Variants in ARHGAP15 observed in about 807,000 individuals in gnomAD.
ARHGAP15 encodes the protein rho GTPase-activating protein 15.
A neutral mutation model predicts 63.7 loss-of-function variants in ARHGAP15; 51 were observed. The observed-to-expected ratio is 0.80, with a 90% CI of 0.64 to 1.01. The LOEUF (loss-of-function observed/expected upper bound fraction) is 1.01. Among genes scored for constraint, ARHGAP15 ranks in the 50% least tolerant of loss-of-function variants. The pLI is 0.00. For synonymous variants in ARHGAP15, 191 were observed against 193.8 expected (o/e 0.99, Z 0.12); for missense variants, 560 against 564.6 (o/e 0.99, Z 0.08).
intron 2 of ARHGAP15, among the ~76,000 whole-genome samples, chr2:143,177,771 A>G (rs565276918): frequency 5.3e-5 from 8 of 152,334 alleles, no homozygotes; most frequent in African/African-American, 1.7e-4. Flanking sequence ...CACAATAGTG[A>G]AGAGATTTCC....
chr2:143,597,000 A>T (rs1015349698), intron 11 of ARHGAP15, among the ~76,000 whole-genome samples: 1 of 152,164 alleles, frequency 6.6e-6, no homozygotes, highest in East Asian at 1.9e-4. Flanking sequence ...TCAATAATAC[A>T]TAAGAATCCT....
intron 6 of ARHGAP15, among the ~76,000 whole-genome samples, chr2:143,354,652 TAGG>T (rs1685729926): frequency 3.9e-5 from 6 of 152,096 alleles, no homozygotes; most frequent in Admixed American, 2.6e-4. Context: ...TTATTTAAAT[TAGG>T]AGGTGTTAAT....
chr2:143,764,407 A>G (rs753163834), intron 13 of ARHGAP15, among the ~76,000 whole-genome samples: 4 of 152,126 alleles, frequency 2.6e-5, no homozygotes, highest in Non-Finnish European at 5.9e-5. Flanking sequence ...CTACTTTTAC[A>G]TAATCTCTTT....
At chr2:143,370,857 T>G (rs1188296680) in intron 6 of ARHGAP15, among the ~76,000 whole-genome samples, 1 of 152,214 alleles carries the variant, frequency 6.6e-6, no homozygotes. Context: ...TAAACCCATG[T>G]TAAAAGTTTA....
chr2:143,753,416 A>G (rs1444409399), intron 13 of ARHGAP15, among the ~76,000 whole-genome samples: 1 of 152,192 alleles, frequency 6.6e-6, no homozygotes, highest in Non-Finnish European at 1.5e-5. Context: ...AATGCTTGAT[A>G]GTGGTCCCTA....
chr2:143,537,135 T>A (rs985189656), intron 10 of ARHGAP15, among the ~76,000 whole-genome samples: 6 of 152,256 alleles, frequency 3.9e-5, no homozygotes, highest in African/African-American at 1.4e-4. Flanking sequence ...CCAGTGATGA[T>A]GAGCATTTTT....
chr2:143,665,108 C>T lies in ARHGAP15; in HGVS notation c.1139-38311C>T, dbSNP rs925900999. 5.1e-3 allele frequency among the ~76,000 whole-genome samples: 770 copies of T among 151,710 alleles called. 4 individuals carry two copies. Among genetic ancestry groups the T allele is most frequent in the Admixed American group, 7.5e-3 (115 of 15,248 alleles). On this transcript the variant is annotated intron_variant, in intron 12 of 13. Coordinates refer to ENST00000295095, the MANE Select transcript of ARHGAP15 (RefSeq NM_018460.4). ...CTGATACCAAAGCCTGGCAGAGACACAACCAAAAAAGAGAATTTTAGACCA... is the reference window on the plus strand; with the variant it reads ...CTGATACCAAAGCCTGGCAGAGACATAACCAAAAAAGAGAATTTTAGACCA...
chr2:143,758,667 T>G (rs967049871), intron 13 of ARHGAP15, among the ~76,000 whole-genome samples: 14 of 152,150 alleles, frequency 9.2e-5, no homozygotes, highest in Non-Finnish European at 1.9e-4. Context: ...CAGTTATTTT[T>G]AAAAAGAATA....
intron 8 of ARHGAP15, among the ~76,000 whole-genome samples, chr2:143,452,904 T>C (rs943107672): frequency 6.6e-6 from 1 of 152,010 alleles, no homozygotes; most frequent in African/African-American, 2.4e-5. Context: ...TCTAAAAATA[T>C]TTGGCATAAA....
chr2:143,277,379 C>T (rs1447802642), intron 6 of ARHGAP15, among the ~76,000 whole-genome samples: 2 of 151,908 alleles, frequency 1.3e-5, no homozygotes, highest in Non-Finnish European at 2.9e-5. Flanking sequence ...TTCAGGGACT[C>T]ATATCAGGAT....
intron 6 of ARHGAP15, among the ~76,000 whole-genome samples, chr2:143,373,629 CAAAAAAAAAAAAAAAAAA>C (rs58153000): frequency 3.2e-5 from 2 of 62,954 alleles, no homozygotes; most frequent in Non-Finnish European, 6.2e-5. Flanking sequence ...GACTCTATCT[CAAAAAAAAAAAAAAAAAA>C]AAAAAAAAAA....
chr2:143,554,137 TTTGA>T (rs1324122280), intron 10 of ARHGAP15, among the ~76,000 whole-genome samples: 18 of 152,310 alleles, frequency 1.2e-4, no homozygotes, highest in African/African-American at 3.6e-4. Context: ...ATAGGACTAA[TTTGA>T]TTGATTTTTT....
At chr2:143,341,252 A>C (rs1685046319) in intron 6 of ARHGAP15, among the ~76,000 whole-genome samples, 2 of 152,096 alleles carry the variant, frequency 1.3e-5, no homozygotes, top group Non-Finnish European at 2.9e-5. Context: ...TTATCTTAGA[A>C]TAGCCCCTGA....
intron 10 of ARHGAP15, among the ~76,000 whole-genome samples, chr2:143,542,790 AT>A (rs1695153820): frequency 8.0e-6 from 1 of 124,680 alleles, no homozygotes; most frequent in Admixed American, 8.7e-5. Context: ...GATATATATA[AT>A]ATCACATATA....
chr2:143,166,760 A>G (rs928494275), intron 2 of ARHGAP15, among the ~76,000 whole-genome samples: 2 of 152,144 alleles, frequency 1.3e-5, no homozygotes, highest in African/African-American at 4.8e-5. Flanking sequence ...AAAACTTCAA[A>G]TTATAAGAAT....
intron 6 of ARHGAP15, among the ~76,000 whole-genome samples, chr2:143,404,156 A>G (rs1486760950): frequency 6.6e-6 from 1 of 151,870 alleles, no homozygotes; most frequent in African/African-American, 2.4e-5. Flanking sequence ...TGGCATCAGT[A>G]GGGGTTAGAA....
At chr2:143,138,606 C>T (rs572497447) in intron 1 of ARHGAP15, among the ~76,000 whole-genome samples, 1 of 152,190 alleles carries the variant, frequency 6.6e-6, no homozygotes, top group Admixed American at 6.5e-5. Flanking sequence ...TTTTGCCATA[C>T]TGCAGGTGTC....
chr2:143,417,147 T>G lies in ARHGAP15; in HGVS notation c.475-18454T>G, dbSNP rs1022912818. On this transcript the variant is annotated intron_variant, in intron 6 of 13. Transcript: ENST00000295095. ...AGTAAGCAGAAAGATTCAACCTGGGTCTCGGGGGGTCTTAAGTCAGGTCTC... is the reference window on the plus strand; with the variant it reads ...AGTAAGCAGAAAGATTCAACCTGGGGCTCGGGGGGTCTTAAGTCAGGTCTC... 5.3e-5 allele frequency among the ~76,000 whole-genome samples: 8 copies of G among 152,056 alleles called. No homozygotes were observed. In the East Asian group the frequency reaches 1.6e-3, roughly 29 times the overall value.
intron 8 of ARHGAP15, among the ~76,000 whole-genome samples, chr2:143,439,165 G>A (rs967298727): frequency 1.3e-5 from 2 of 152,054 alleles, no homozygotes; most frequent in African/African-American, 4.8e-5. Flanking sequence ...GCTCATGCCT[G>A]TAATCCCAGC....
Sources: allele counts gnomAD v4.1 joint callset (sites outside exome capture counted in the v4.1 genomes callset), GRCh38; gene constraint gnomAD v4.1.1; transcripts MANE v1.5; gene names NCBI Gene and HGNC (gene_info 2026-07-23, HGNC 2026-07-21).